Variants in UIMC1 observed in about 807,000 individuals in gnomAD.
UIMC1 encodes the protein ubiquitin interaction motif containing 1.
In UIMC1, 42 loss-of-function variants were observed where a neutral mutation model predicts 84.9. The ratio of observed to expected loss-of-function variants is 0.49; its 90% CI spans 0.39 to 0.64. UIMC1 has a LOEUF of 0.64. Ranked by LOEUF, UIMC1 falls within the 30% of genes least tolerant of loss-of-function variation. UIMC1 has a pLI of 0.00. For missense variants in UIMC1, 825 were observed against 847.6 expected, an observed-to-expected ratio of 0.97 and a Z score of 0.33; for synonymous variants, 281 against 293.0, an observed-to-expected ratio of 0.96 and a Z score of 0.42.
chr5:176,937,947 T>C (rs199806300), intron 10 of UIMC1, among the ~76,000 whole-genome samples: 2 of 152,026 alleles, frequency 1.3e-5, no homozygotes, highest in African/African-American at 4.8e-5. Flanking sequence ...TCCCAGCACT[T>C]TGGGAGGCCA....
At chr5:176,918,826 G>A (rs888282535) in intron 10 of UIMC1, among the ~76,000 whole-genome samples, 1 of 152,088 alleles carries the variant, frequency 6.6e-6, no homozygotes, top group Non-Finnish European at 1.5e-5. Context: ...TGCGCAATCC[G>A]ACTTTGGTTA....
chr5:176,944,606 T>C (rs1764855051), intron 9 of UIMC1, among the ~76,000 whole-genome samples: 1 of 152,204 alleles, frequency 6.6e-6, no homozygotes, highest in African/African-American at 2.4e-5. Flanking sequence ...AAATAAAATA[T>C]CTTCTGATAC....
At chr5:176,960,480 G>A (rs1449770862) in intron 6 of UIMC1, among the ~76,000 whole-genome samples, 1 of 152,020 alleles carries the variant, frequency 6.6e-6, no homozygotes, top group Non-Finnish European at 1.5e-5. Flanking sequence ...TGAAAGCATG[G>A]CAGAAATAAA....
chr5:176,943,424 A>G lies in UIMC1; in HGVS notation c.1508T>C (p.Val503Ala). Residue 503 changes from valine (V) to alanine (A), a missense_variant, in exon 10 of 15, where the codon GTA (valine) becomes GCA (alanine). Physicochemically the swap from Val to Ala is moderately conservative, Grantham distance 64. Coordinates refer to ENST00000511320, the MANE Select transcript of UIMC1 (RefSeq NM_001199298.2). ...GCATTGGTCACATAGCGGGCAGGAT[A>G]CCTGGTTACTGGATGAGAAGGTAGA... is the stretch of plus-strand genomic sequence containing the variant. ...AISTFSSSNQ[V>A]SCPLCDQCFP... 1.2e-6 allele frequency: 2 copies of G among 1,614,182 alleles called. No homozygotes were observed. The highest frequency in any genetic ancestry group is 1.7e-6 in the Non-Finnish European group (2 of 1,180,030).
chr5:176,993,406 C>T (rs972057865), intron 1 of UIMC1, among the ~76,000 whole-genome samples: 1 of 152,042 alleles, frequency 6.6e-6, no homozygotes, highest in Non-Finnish European at 1.5e-5. Flanking sequence ...CCAGACTGGT[C>T]TCGAACTCCT....
intron 11 of UIMC1, among the ~76,000 whole-genome samples, chr5:176,910,051 T>C (rs2149388780): frequency 6.6e-6 from 1 of 152,362 alleles, no homozygotes; most frequent in African/African-American, 2.4e-5. Flanking sequence ...ATACATTTTA[T>C]TAGAAGCTGG....
At chr5:177,005,855 G>C (rs950662419) in intron 1 of UIMC1, among the ~76,000 whole-genome samples, 1 of 152,056 alleles carries the variant, frequency 6.6e-6, no homozygotes, top group Non-Finnish European at 1.5e-5. Context: ...ACTACTGCCC[G>C]GGACTCGCGC....
chr5:177,011,084 G>A (rs1434808760), upstream of UIMC1, among the ~76,000 whole-genome samples: 2 of 151,142 alleles, frequency 1.3e-5, no homozygotes, highest in Non-Finnish European at 3.0e-5. Flanking sequence ...CCAGCTACTC[G>A]GGAGGCTGAG....
At chr5:176,993,690 G>A (rs1773200381) in intron 1 of UIMC1, among the ~76,000 whole-genome samples, 1 of 152,048 alleles carries the variant, frequency 6.6e-6, no homozygotes, top group Admixed American at 6.6e-5. Flanking sequence ...GAATACTAAT[G>A]TATGTATTTT....
At chr5:176,944,870 T>C (rs1211381833) in intron 9 of UIMC1, among the ~76,000 whole-genome samples, 1 of 152,168 alleles carries the variant, frequency 6.6e-6, no homozygotes, top group Non-Finnish European at 1.5e-5. Context: ...GAACTAACAG[T>C]GGTTGAGTTC....
chr5:176,951,997 T>C (rs1765944657), intron 8 of UIMC1, among the ~76,000 whole-genome samples: 1 of 152,204 alleles, frequency 6.6e-6, no homozygotes, highest in South Asian at 2.1e-4. Context: ...ATAAATAGAA[T>C]CACATGTCTT....
chr5:176,911,101 AGAG>A (rs1408156855), intron 11 of UIMC1, among the ~76,000 whole-genome samples: 1 of 143,544 alleles, frequency 7.0e-6, no homozygotes, highest in Non-Finnish European at 1.5e-5. Context: ...AAAAAAAAAA[AGAG>A]AGAGAGAGAA....
intron 10 of UIMC1, among the ~76,000 whole-genome samples, chr5:176,938,969 A>G (rs1479690768): frequency 1.3e-5 from 2 of 151,758 alleles, no homozygotes; most frequent in African/African-American, 4.8e-5. Flanking sequence ...AAAAAAGTGC[A>G]ATGCCAGGCA....
intron 10 of UIMC1, among the ~76,000 whole-genome samples, chr5:176,922,442 G>C (rs1408853260): frequency 6.6e-6 from 1 of 152,176 alleles, no homozygotes; most frequent in Non-Finnish European, 1.5e-5. Context: ...CCAGTCACAA[G>C]GTTTGCTTCT....
At chr5:176,967,867 C>A (rs1768541879) in intron 6 of UIMC1, among the ~76,000 whole-genome samples, 1 of 149,194 alleles carries the variant, frequency 6.7e-6, no homozygotes, top group South Asian at 2.1e-4. Context: ...GGCATCGGTG[C>A]ACTCTAGCCT....
intron 6 of UIMC1, 144 bp from the exon 7 acceptor site, chr5:176,958,298 C>T: frequency 3.4e-6 from 2 of 589,636 alleles, no homozygotes; most frequent in Non-Finnish European, 5.7e-6. Context: ...CAGTAAGTGT[C>T]AATAAAACAA....
chr5:176,943,499 T>C lies in UIMC1; in HGVS notation c.1444-11A>G, dbSNP rs1455114025. 4 of 1,613,284 alleles carry C rather than the reference T, an allele frequency of 2.5e-6. No homozygotes were observed. Among genetic ancestry groups the C allele is most frequent in the Non-Finnish European group, 3.4e-6 (4 of 1,179,634 alleles). The stretch of plus-strand genomic sequence containing the variant: ...TTCCTTGTTACCAACCTGAAGAACA[T>C]GACAAACAGCAATCATAACAGCTTT... On this transcript the variant is annotated splice_polypyrimidine_tract_variant and intron_variant, in intron 9 of 14. Coordinates refer to ENST00000511320, the MANE Select transcript of UIMC1 (RefSeq NM_001199298.2).
chr5:176,982,971 T>G (rs1174499885), intron 1 of UIMC1, among the ~76,000 whole-genome samples: 2 of 152,166 alleles, frequency 1.3e-5, no homozygotes. Context: ...AGTGCTGAGA[T>G]TACAGACATG....
intron 10 of UIMC1, among the ~76,000 whole-genome samples, chr5:176,912,479 T>G (rs1581347888): frequency 6.6e-6 from 1 of 150,546 alleles, no homozygotes; most frequent in South Asian, 2.1e-4. Context: ...TTTTTGTTTT[T>G]TTTTTTTTTT....
Sources: gnomAD v4.1 joint callset for allele counts (sites outside exome capture counted in the v4.1 genomes callset) on GRCh38, gnomAD v4.1.1 for gene constraint, MANE v1.5 for transcripts, NCBI Gene and HGNC (gene_info 2026-07-23, HGNC 2026-07-21) for gene names.